Variants in ZSWIM5 observed in about 807,000 individuals in gnomAD.
The protein encoded by ZSWIM5 is zinc finger SWIM domain-containing protein 5.
ZSWIM5 carries 55 observed loss-of-function variants against 119.6 expected under a neutral mutation model. That is an observed-to-expected ratio of 0.46 (90% CI 0.37 to 0.58). ZSWIM5 has a LOEUF of 0.58. Among genes scored for constraint, ZSWIM5 ranks in the 20% least tolerant of loss-of-function variants. The pLI is 0.00. For synonymous variants in ZSWIM5, 537 were observed against 606.9 expected (o/e 0.88, Z 1.69); for missense variants, 1,193 against 1,512.8 (o/e 0.79, Z 3.51).
At position 45,039,046 on chromosome 1, in the gene ZSWIM5, A is replaced by G. The variant is rs564019996; in HGVS notation, c.1784T>C (p.Ile595Thr). 5 of 1,614,118 alleles carry G rather than the reference A, an allele frequency of 3.1e-6. No individual in the cohort carries two copies. The South Asian group carries it at 4.4e-5, about 14-fold the overall frequency. Residue 595 changes from isoleucine (I) to threonine (T), a missense_variant, in exon 8 of 14, where the codon ATC (isoleucine) becomes ACC (threonine). Transcript: ENST00000359600. ...GCCCACCCAGCCCTCCAGGTTTGTG[A>G]TGGTTGTGGTTCCTCTCTGCAACAG... is the stretch of plus-strand genomic sequence containing the variant. ...KELLQRGTTT[I>T]TNLEGWVGHP...
chr1:45,191,438 T>C lies in ZSWIM5; in HGVS notation c.595+14318A>G, dbSNP rs561889023. 4.6e-5 allele frequency among the ~76,000 whole-genome samples: 7 copies of C among 152,298 alleles called. No homozygotes were observed. The East Asian group carries it at 1.4e-3, about 29-fold the overall frequency. The stretch of plus-strand genomic sequence containing the variant: ...AAACAGTGTAGTTCACCTTCATCTC[T>C]ACCACATAAAGAAAAATACCCCACC... On this transcript the variant is annotated intron_variant, in intron 1 of 13. Transcript: ENST00000359600.
chr1:45,037,016 G>T (rs1644989135), intron 8 of ZSWIM5, among the ~76,000 whole-genome samples: 1 of 151,470 alleles, frequency 6.6e-6, no homozygotes. Flanking sequence ...GCCCAGGCTG[G>T]TCTCAAACTC....
intron 1 of ZSWIM5, among the ~76,000 whole-genome samples, chr1:45,128,598 C>T (rs1400425857): frequency 2.6e-5 from 4 of 152,202 alleles, no homozygotes; most frequent in Non-Finnish European, 5.9e-5. Context: ...CAAAAATAGA[C>T]TCACATAAAC....
At chr1:45,046,518 C>T (rs770596365) in intron 5 of ZSWIM5, among the ~76,000 whole-genome samples, 2 of 151,814 alleles carry the variant, frequency 1.3e-5, no homozygotes, top group African/African-American at 2.4e-5. Flanking sequence ...AGCAGGTTTG[C>T]GTGGGGCTTG....
intron 1 of ZSWIM5, among the ~76,000 whole-genome samples, chr1:45,196,324 G>GT (rs113792238): frequency 0.014 from 2,048 of 141,358 alleles, 65 homozygotes; most frequent in African/African-American, 0.05. Flanking sequence ...TGTTTTTTTG[G>GT]TTTTTTTTTA....
intron 1 of ZSWIM5, among the ~76,000 whole-genome samples, chr1:45,089,974 G>A (rs946457759): frequency 3.9e-5 from 6 of 152,152 alleles, no homozygotes; most frequent in African/African-American, 9.7e-5. Context: ...TACACACTGT[G>A]AACAGGAAAG....
chr1:45,079,943 G>A (rs1225431562), intron 2 of ZSWIM5, among the ~76,000 whole-genome samples: 1 of 152,152 alleles, frequency 6.6e-6, no homozygotes, highest in African/African-American at 2.4e-5. Flanking sequence ...TGGAAAGGGG[G>A]CTTCATGACT....
chr1:45,054,188 GTA>G (rs1048185978), intron 4 of ZSWIM5, among the ~76,000 whole-genome samples: 8 of 152,140 alleles, frequency 5.3e-5, no homozygotes, highest in Non-Finnish European at 7.4e-5. Flanking sequence ...TGAGGTGGAA[GTA>G]TTTCTTGATC....
intron 1 of ZSWIM5, among the ~76,000 whole-genome samples, chr1:45,172,427 C>A (rs1645951336): frequency 6.6e-6 from 1 of 151,974 alleles, no homozygotes; most frequent in Admixed American, 6.6e-5. Context: ...GTGAAGTGAA[C>A]TGAAAAGAAC....
intron 1 of ZSWIM5, among the ~76,000 whole-genome samples, chr1:45,162,731 C>T (rs903503145): frequency 1.2e-4 from 19 of 152,214 alleles, no homozygotes; most frequent in Non-Finnish European, 2.5e-4. Context: ...GCCAGCACAG[C>T]ACTCTGAGAT....
intron 1 of ZSWIM5, among the ~76,000 whole-genome samples, chr1:45,141,928 T>C (rs969007314): frequency 2.6e-5 from 4 of 152,174 alleles, no homozygotes; most frequent in African/African-American, 4.8e-5. Context: ...TTATCTGCAT[T>C]GTTTTTTGTG....
In ZSWIM5 at chr1:45,106,227, C is replaced by T. The variant is rs1258284329; in HGVS notation, c.596-17990G>A. On this transcript the variant is annotated intron_variant, in intron 1 of 13. Coordinates refer to ENST00000359600, the MANE Select transcript of ZSWIM5 (RefSeq NM_020883.2). Reference sequence around the variant, plus strand: ...CTCTGGGAGGTGAGGGGCGTCTCTGCCCGGCCGCCCTGTCTGGGAGGTGAG... The same window carrying T: ...CTCTGGGAGGTGAGGGGCGTCTCTGTCCGGCCGCCCTGTCTGGGAGGTGAG... Among the ~76,000 whole-genome samples the T allele has an allele frequency of 1.6e-4, 23 of 146,580 alleles. No homozygotes were observed. The East Asian group carries it at 4.2e-3, about 27-fold the overall frequency.
At chr1:45,068,091 C>CTTTTTT (rs869057806) in intron 2 of ZSWIM5, among the ~76,000 whole-genome samples, 9 of 111,512 alleles carry the variant, frequency 8.1e-5, no homozygotes, top group Non-Finnish European at 1.3e-4. Context: ...AGCAATTTTT[C>CTTTTTT]TTTTTTTTTT....
At chr1:45,069,407 CAG>C (rs1157699303) in intron 2 of ZSWIM5, among the ~76,000 whole-genome samples, 1 of 148,438 alleles carries the variant, frequency 6.7e-6, no homozygotes, top group East Asian at 2.0e-4. Context: ...GCCTGGACGA[CAG>C]AGTGAGACTC....
intron 1 of ZSWIM5, among the ~76,000 whole-genome samples, chr1:45,152,699 G>T (rs762752574): frequency 3.3e-5 from 5 of 152,084 alleles, no homozygotes; most frequent in Non-Finnish European, 5.9e-5. Context: ...CCTTGGGAAA[G>T]AATTTATGAC....
At chr1:45,035,333 G>A (rs573410026) in intron 10 of ZSWIM5, among the ~76,000 whole-genome samples, 3 of 152,152 alleles carry the variant, frequency 2.0e-5, no homozygotes, top group Non-Finnish European at 4.4e-5. Flanking sequence ...GGGGACCTGT[G>A]CCTGGGAACC....
Position 45,040,531 on chromosome 1 carries a change from C to T in ZSWIM5, c.1617G>A (p.Val539=). 1 of 1,595,130 alleles carries T rather than the reference C, an allele frequency of 6.3e-7. No homozygotes were observed. Among genetic ancestry groups the T allele is most frequent in the Non-Finnish European group, 8.5e-7 (1 of 1,173,546 alleles). ...SQGQPLWLEH[V]PTACARVDAL... Reference sequence around the variant, plus strand: ...CGTCAACTCGAGCACAGGCTGTAGGCACATGCTCTACCAAGTAAGAAGAAG... The same window carrying T: ...CGTCAACTCGAGCACAGGCTGTAGGTACATGCTCTACCAAGTAAGAAGAAG... Residue 539 remains valine, a synonymous_variant, in exon 7 of 14, where the codon GTG becomes GTA. Transcript: ENST00000359600.
intron 1 of ZSWIM5, among the ~76,000 whole-genome samples, chr1:45,146,530 C>T (rs1051408669): frequency 6.3e-5 from 9 of 142,936 alleles, no homozygotes; most frequent in Admixed American, 2.3e-4. Flanking sequence ...ACCTCCGCTT[C>T]CCCGGTTCAA....
intron 1 of ZSWIM5, among the ~76,000 whole-genome samples, chr1:45,166,018 A>C (rs1299464503): frequency 6.6e-6 from 1 of 151,998 alleles, no homozygotes; most frequent in East Asian, 1.9e-4. Context: ...CAACAAAAAA[A>C]GAGAATTTTA....
Sources: gnomAD v4.1 joint callset for allele counts (sites outside exome capture counted in the v4.1 genomes callset) on GRCh38, gnomAD v4.1.1 for gene constraint, MANE v1.5 for transcripts, NCBI Gene and HGNC (gene_info 2026-07-23, HGNC 2026-07-21) for gene names.